Variants in DOCK3 observed in about 807,000 individuals in gnomAD.
DOCK3 encodes dedicator of cytokinesis 3, also known as dedicator of cytokinesis protein 3.
DOCK3 carries 60 observed loss-of-function variants against 265.6 expected under a neutral mutation model. The observed-to-expected ratio is 0.23, with a 90% CI of 0.18 to 0.28. DOCK3 has a LOEUF of 0.28. Among genes scored for constraint, DOCK3 ranks in the 10% least tolerant of loss-of-function variants. DOCK3 has a pLI of 1.00. For synonymous variants in DOCK3, 881 were observed against 938.0 expected (o/e 0.94, Z 1.11); for missense variants, 1,981 against 2,594.3 (o/e 0.76, Z 5.14).
In DOCK3 at chr3:50,908,788, C is replaced by T. The variant is rs890458793; in HGVS notation, c.218+18707C>T. On this transcript the variant is annotated intron_variant, in intron 4 of 52. Coordinates refer to ENST00000266037, the MANE Select transcript of DOCK3 (RefSeq NM_004947.5). ...TAATATCTTTGTTAATTTTCTGTCT[C>T]GATGATCTAATATTGTCAGTGAGGT... is the stretch of plus-strand genomic sequence containing the variant. 1.3e-4 allele frequency among the ~76,000 whole-genome samples: 20 copies of T among 151,930 alleles called. 1 individual carries two copies. The highest frequency in any genetic ancestry group is 6.2e-4 in the South Asian group (3 of 4,808).
chr3:50,847,688 A>G (rs759546368), intron 3 of DOCK3, among the ~76,000 whole-genome samples: 4 of 152,082 alleles, frequency 2.6e-5, no homozygotes, highest in Non-Finnish European at 5.9e-5. Context: ...GTTCAAGACT[A>G]GCCTGGACAA....
chr3:51,134,888 C>G (rs918858493), intron 9 of DOCK3, among the ~76,000 whole-genome samples: 3 of 152,156 alleles, frequency 2.0e-5, no homozygotes, highest in Admixed American at 2.0e-4. Flanking sequence ...CATCTCAAGC[C>G]AGGAACTTTG....
intron 1 of DOCK3, among the ~76,000 whole-genome samples, chr3:50,703,706 G>A (rs889242614): frequency 4.4e-4 from 67 of 151,420 alleles, no homozygotes; most frequent in African/African-American, 8.5e-4. Flanking sequence ...GGGTTTTCTC[G>A]GTTACTGTAG....
At chr3:50,909,708 T>C (rs2107908729) in intron 4 of DOCK3, among the ~76,000 whole-genome samples, 1 of 150,592 alleles carries the variant, frequency 6.6e-6, no homozygotes, top group East Asian at 2.0e-4. Flanking sequence ...GGGGTTGATC[T>C]TCTTGTGGAG....
chr3:51,255,089 T>C (rs1408561139), intron 22 of DOCK3, among the ~76,000 whole-genome samples: 1 of 152,200 alleles, frequency 6.6e-6, no homozygotes, highest in Admixed American at 6.6e-5. Flanking sequence ...CAGCATTTGC[T>C]TGTCTGTAAA....
At chr3:50,821,123 T>C (rs1218377845) in intron 2 of DOCK3, among the ~76,000 whole-genome samples, 1 of 149,840 alleles carries the variant, frequency 6.7e-6, no homozygotes, top group African/African-American at 2.4e-5. Flanking sequence ...ATAGTTTTCT[T>C]TCTTTCTTTC....
intron 5 of DOCK3, among the ~76,000 whole-genome samples, chr3:51,051,198 G>T (rs2080982026): frequency 6.6e-6 from 1 of 152,066 alleles, no homozygotes; most frequent in African/African-American, 2.4e-5. Flanking sequence ...ATTTTTAAAG[G>T]GATATATAAG....
At chr3:50,998,252 A>T (rs1468890639) in intron 5 of DOCK3, among the ~76,000 whole-genome samples, 1 of 152,154 alleles carries the variant, frequency 6.6e-6, no homozygotes, top group East Asian at 1.9e-4. Flanking sequence ...ATCTGGATGT[A>T]CTCCAGACCT....
At chr3:50,717,609 C>T (rs1299277333) in intron 1 of DOCK3, among the ~76,000 whole-genome samples, 1 of 151,996 alleles carries the variant, frequency 6.6e-6, no homozygotes, top group Non-Finnish European at 1.5e-5. Flanking sequence ...ATACTAATAA[C>T]AAAGTGTCTT....
chr3:50,774,759 T>G lies in DOCK3; in HGVS notation c.38-3916T>G, dbSNP rs1401918965. Reference sequence around the variant, plus strand: ...GTGACAGTGGCCATCCTCTTCTTGTTCCTAACCTTAGTGATAAAATGTTTT... The same window carrying G: ...GTGACAGTGGCCATCCTCTTCTTGTGCCTAACCTTAGTGATAAAATGTTTT... On this transcript the variant is annotated intron_variant, in intron 1 of 52. Coordinates refer to ENST00000266037, the MANE Select transcript of DOCK3 (RefSeq NM_004947.5). Among the ~76,000 whole-genome samples, 4 of 151,992 alleles carry G rather than the reference T, an allele frequency of 2.6e-5. No individual in the cohort carries two copies. The South Asian group carries it at 8.3e-4, about 31-fold the overall frequency.
At chr3:50,755,013 G>C (rs370999200) in intron 1 of DOCK3, among the ~76,000 whole-genome samples, 1 of 152,162 alleles carries the variant, frequency 6.6e-6, no homozygotes, top group African/African-American at 2.4e-5. Context: ...TGCAGCAAAA[G>C]CTAGTTTCCA....
Position 50,675,548 on chromosome 3 carries a change from G to A in DOCK3, c.37+248G>A, listed in dbSNP as rs1163729100. Among the ~76,000 whole-genome samples the A allele has an allele frequency of 6.6e-6, 1 of 152,176 alleles. No homozygotes were observed. Among genetic ancestry groups the A allele is most frequent in the Non-Finnish European group, 1.5e-5 (1 of 68,020 alleles). ...GCCTTGGCAGGTGCGGCCCGCGGGA[G>A]GGGTGGGCAAGGCCCGGGCAGTTGC... is the stretch of plus-strand genomic sequence containing the variant. On this transcript the variant is annotated intron_variant, in intron 1 of 52. Transcript: ENST00000266037. This position sits in a 1 kb window ranked among gnomAD's most constrained non-coding sequence, Gnocchi z 6.1.
chr3:50,975,008 T>C (rs2077385557), intron 5 of DOCK3, among the ~76,000 whole-genome samples: 1 of 151,180 alleles, frequency 6.6e-6, no homozygotes. Context: ...GAGACTTTGC[T>C]GAAGTTGCTT....
At chr3:51,216,715 A>G (rs2089808663) in intron 14 of DOCK3, among the ~76,000 whole-genome samples, 2 of 152,196 alleles carry the variant, frequency 1.3e-5, no homozygotes, top group Non-Finnish European at 2.9e-5. Context: ...GTCCCTGGGC[A>G]AAGTGATAGG....
At chr3:51,226,113 G>T (rs925765551) in intron 15 of DOCK3, among the ~76,000 whole-genome samples, 3 of 152,110 alleles carry the variant, frequency 2.0e-5, no homozygotes, top group Admixed American at 1.3e-4. Flanking sequence ...GTCCCATTCT[G>T]CCTTTTTATT....
At chr3:51,138,240 ATTAT>A (rs1228650417) in intron 9 of DOCK3, among the ~76,000 whole-genome samples, 3 of 152,324 alleles carry the variant, frequency 2.0e-5, no homozygotes, top group East Asian at 1.9e-4. Flanking sequence ...CATTGGATAG[ATTAT>A]TTGTCTTCAA....
Position 51,326,855 on chromosome 3 carries a change from C to T in DOCK3, c.3403-3283C>T, listed in dbSNP as rs1292189474. Reference sequence around the variant, plus strand: ...GGTCAGGCTGGTCTCAAACTCCTGACCTCATGTGATCCACCTGCCTCCATC... The same window carrying T: ...GGTCAGGCTGGTCTCAAACTCCTGATCTCATGTGATCCACCTGCCTCCATC... On this transcript the variant is annotated intron_variant, in intron 32 of 52. Transcript: ENST00000266037. Among the ~76,000 whole-genome samples the T allele has an allele frequency of 2.6e-5, 4 of 152,052 alleles. No individual in the cohort carries two copies. The South Asian group carries it at 6.2e-4, about 24-fold the overall frequency.
intron 5 of DOCK3, among the ~76,000 whole-genome samples, chr3:51,007,608 G>A (rs1458114822): frequency 6.6e-6 from 1 of 152,178 alleles, no homozygotes; most frequent in Non-Finnish European, 1.5e-5. Flanking sequence ...TTGCTGTGCA[G>A]AAGCTCTTTA....
intron 49 of DOCK3, among the ~76,000 whole-genome samples, chr3:51,372,111 G>A (rs1305821273): frequency 6.6e-6 from 1 of 152,142 alleles, no homozygotes; most frequent in Non-Finnish European, 1.5e-5. Flanking sequence ...GAGAATAGGT[G>A]CTTTTTTCAC....
Sources: gnomAD v4.1 joint callset for allele counts (sites outside exome capture counted in the v4.1 genomes callset) on GRCh38, gnomAD v4.1.1 for gene constraint, Gnocchi (gnomAD v3.1) non-coding constraint, MANE v1.5 for transcripts, NCBI Gene and HGNC (gene_info 2026-07-23, HGNC 2026-07-21) for gene names.